The following UGT1A6 variants were observed in gnomAD, a reference collection of about 807,000 sequenced individuals.
UGT1A6 encodes the protein UDP glucuronosyltransferase family 1 member A6, also known as UDP-glucuronosyltransferase 1A6.
Under a neutral mutation model 44.4 loss-of-function variants are expected in UGT1A6, and 32 were observed. The observed-to-expected ratio is 0.72, with a 90% confidence interval of 0.54 to 0.97. UGT1A6 has a LOEUF of 0.97. UGT1A6 is among the 50% of genes least tolerant of loss of function. The pLI is 0.00. For synonymous variants in UGT1A6, 238 were observed against 248.5 expected (o/e 0.96, Z 0.40); for missense variants, 685 against 661.9 (o/e 1.03, Z -0.38).
At chr2:233,734,584 T>C (rs1211494079) in intron 1 of UGT1A6, among the ~76,000 whole-genome samples, 1 of 152,216 alleles carries the variant, frequency 6.6e-6, no homozygotes, top group East Asian at 1.9e-4. Flanking sequence ...CTTGCTTATC[T>C]AGTTCTTTTA....
intron 4 of UGT1A6, chr2:233,771,316 C>G (rs936355212): frequency 6.6e-6 from 1 of 152,132 alleles, no homozygotes; most frequent in Non-Finnish European, 1.5e-5. Context: ...TTTCCCTCTC[C>G]TCTTCAATCT....
intron 1 of UGT1A6, among the ~76,000 whole-genome samples, chr2:233,703,576 T>C (rs1010311982): frequency 2.0e-5 from 3 of 152,152 alleles, no homozygotes; most frequent in East Asian, 3.9e-4. Context: ...TTTTAAGGTC[T>C]ATATTATCTT....
At chr2:233,745,354 T>C (rs893608490) in intron 1 of UGT1A6, among the ~76,000 whole-genome samples, 4 of 151,848 alleles carry the variant, frequency 2.6e-5, no homozygotes, top group African/African-American at 9.7e-5. Flanking sequence ...TTTGGGGGAA[T>C]TTTTTTGAGA....
At chr2:233,764,888 CAA>C (rs869174020) in intron 1 of UGT1A6, among the ~76,000 whole-genome samples, 32 of 147,518 alleles carry the variant, frequency 2.2e-4, no homozygotes, top group African/African-American at 8.0e-4. Flanking sequence ...AAGGCAAAGA[CAA>C]AGCCCTTAAG....
chr2:233,769,450 T>C lies in UGT1A6; in HGVS notation c.1301+1011T>C, dbSNP rs1280911013. 7 of 1,587,838 alleles carry C rather than the reference T, an allele frequency of 4.4e-6. No individual in the cohort carries two copies. The East Asian group carries it at 1.6e-4, about 36-fold the overall frequency. On this transcript the variant is annotated intron_variant, in intron 4 of 4. Transcript: ENST00000305139. The surrounding 1 kb of genome is among the most constrained non-coding windows in gnomAD (Gnocchi z 4.4). ...CTGTGCTCATGTGTGGGTGCACACG[T>C]GTGCATTCATATGCGTGTGTGTGTG...
At chr2:233,727,138 C>A (rs1201449660) in intron 1 of UGT1A6, among the ~76,000 whole-genome samples, 2 of 152,162 alleles carry the variant, frequency 1.3e-5, no homozygotes, top group Non-Finnish European at 2.9e-5. Context: ...GGGAACAAGA[C>A]CACACAGGTC....
intron 4 of UGT1A6, chr2:233,770,954 G>C (rs1038327841): frequency 2.6e-5 from 4 of 152,166 alleles, no homozygotes; most frequent in African/African-American, 9.7e-5. Flanking sequence ...ACCTCAGGGA[G>C]CTTTTACTCA....
At chr2:233,768,114 G>A (rs763965900) in intron 3 of UGT1A6, 106 bp from the exon 4 acceptor site, 19 of 1,597,766 alleles carry the variant, frequency 1.2e-5, no homozygotes, top group Non-Finnish European at 1.6e-5. Flanking sequence ...TTCTGCAAGG[G>A]CATGTGAGTA....
At chr2:233,748,100 CCAAT>C (rs1693866670) in intron 1 of UGT1A6, 1 of 1,612,644 alleles carries the variant, frequency 6.2e-7, no homozygotes, top group South Asian at 1.1e-5. Context: ...GTGCCTTCAT[CCAAT>C]CAATGTTCCA....
At chr2:233,722,817 G>C (rs1300822952) in intron 1 of UGT1A6, among the ~76,000 whole-genome samples, 1 of 147,336 alleles carries the variant, frequency 6.8e-6, no homozygotes, top group Admixed American at 6.7e-5. Flanking sequence ...ATTTTTTCAA[G>C]TTATTTTGTA....
intron 1 of UGT1A6, among the ~76,000 whole-genome samples, chr2:233,694,204 C>A (rs2075204763): frequency 6.6e-6 from 1 of 152,134 alleles, no homozygotes; most frequent in Non-Finnish European, 1.5e-5. Flanking sequence ...AGGTTAAAAT[C>A]CATTTTCCCA....
At position 233,769,005 on chromosome 2, in the gene UGT1A6, C is replaced by G. The variant is rs929159668; in HGVS notation, c.1301+566C>G. 2.0e-5 allele frequency among the ~76,000 whole-genome samples: 3 copies of G among 152,020 alleles called. No individual in the cohort carries two copies. Among genetic ancestry groups the G allele is most frequent in the South Asian group, 4.2e-4 (2 of 4,812 alleles). ...TATTTCCCCCATTAGATTTAAAACT[C>G]CAATTTACATAAAAAGTTGCCATAA... On this transcript the variant is annotated intron_variant, in intron 4 of 4. Transcript: ENST00000305139. This position sits in a 1 kb window ranked among gnomAD's most constrained non-coding sequence, Gnocchi z 4.4.
Position 233,767,161 on chromosome 2 carries a change from A to G in UGT1A6, c.989A>G (p.Gln330Arg), listed in dbSNP as rs72551348. The change falls in exon 2 of 5, where the codon CAG becomes CGG. Residue 330 changes from glutamine (Q) to arginine (R), a missense_variant. Physicochemically the swap from Gln to Arg is conservative, Grantham distance 43. Coordinates refer to ENST00000305139, the MANE Select transcript of UGT1A6 (RefSeq NM_001072.4). Reference sequence around the variant, plus strand: ...GCTGATGCTTTGGGCAAAATCCCTCAGACAGTAAGAAGATTCTATACCATG... The same window carrying G: ...GCTGATGCTTTGGGCAAAATCCCTCGGACAGTAAGAAGATTCTATACCATG... ...AIADALGKIP[Q>R]TVLWRYTGTR... is the part of the protein sequence containing the mutation. 60 of 1,614,012 alleles carry G rather than the reference A, an allele frequency of 3.7e-5. No individual in the cohort carries two copies. The highest frequency in any genetic ancestry group is 4.7e-5 in the Non-Finnish European group (55 of 1,180,018).
At chr2:233,720,787 C>G (rs369291144) in intron 1 of UGT1A6, among the ~76,000 whole-genome samples, 1 of 151,128 alleles carries the variant, frequency 6.6e-6, no homozygotes, top group Non-Finnish European at 1.5e-5. Flanking sequence ...CTCACTGCAA[C>G]CTTCACCTCC....
intron 1 of UGT1A6, chr2:233,717,688 G>A: frequency 2.3e-6 from 1 of 441,794 alleles, no homozygotes; most frequent in South Asian, 1.6e-5. Flanking sequence ...ATGTAGGAGT[G>A]ACTTTCTGGA....
chr2:233,715,863 T>C (rs1183803231), intron 1 of UGT1A6, among the ~76,000 whole-genome samples: 2 of 152,198 alleles, frequency 1.3e-5, no homozygotes, highest in Non-Finnish European at 2.9e-5. Flanking sequence ...CTGGGTGCAG[T>C]AGCTTGTGCC....
At chr2:233,761,231 T>A in intron 1 of UGT1A6, 1 of 1,613,202 alleles carries the variant, frequency 6.2e-7, no homozygotes. Flanking sequence ...GCCCCAGATA[T>A]ATGCTGAGCA....
chr2:233,725,392 C>A (rs1422562370), intron 1 of UGT1A6, among the ~76,000 whole-genome samples: 1 of 151,006 alleles, frequency 6.6e-6, no homozygotes, highest in African/African-American at 2.4e-5. Flanking sequence ...TAATAGGTTA[C>A]CTTGATGGTC....
intron 1 of UGT1A6, chr2:233,747,116 T>G: frequency 6.9e-7 from 1 of 1,446,720 alleles, no homozygotes; most frequent in South Asian, 1.3e-5. Context: ...CATGATGATT[T>G]GCTAAGTGGC....
Sources: allele counts gnomAD v4.1 joint callset (sites outside exome capture counted in the v4.1 genomes callset), GRCh38; gene constraint gnomAD v4.1.1; non-coding constraint Gnocchi (gnomAD v3.1); transcripts MANE v1.5; gene names NCBI Gene and HGNC (gene_info 2026-07-23, HGNC 2026-07-21).